The following PCCA variants were observed in gnomAD, a reference collection of about 807,000 sequenced individuals.
The protein encoded by PCCA is propionyl-CoA carboxylase subunit alpha.
A neutral mutation model predicts 101.3 loss-of-function variants in PCCA; 74 were observed. The observed-to-expected ratio is 0.73, with a 90% CI of 0.61 to 0.89. The LOEUF is 0.89. Among genes scored for constraint, PCCA ranks in the 40% least tolerant of loss-of-function variants. The pLI, the probability that PCCA is intolerant of heterozygous loss-of-function variation, is 0.00. For synonymous variants in PCCA, 294 were observed against 313.6 expected (o/e 0.94, Z 0.66); for missense variants, 891 against 907.0 (o/e 0.98, Z 0.23).
In PCCA at chr13:100,261,213, G is replaced by A. The variant is rs567773016; in HGVS notation, c.717-1516G>A. On this transcript the variant is annotated intron_variant, in intron 9 of 23. Transcript: ENST00000376285. Reference sequence around the variant, plus strand: ...GATCGGAAGAATTGGCTTTAATGTTGTACATTAAATACAGGTATTTAATCT... The same window carrying A: ...GATCGGAAGAATTGGCTTTAATGTTATACATTAAATACAGGTATTTAATCT... 9.2e-5 allele frequency among the ~76,000 whole-genome samples: 14 copies of A among 152,092 alleles called. 1 individual carries two copies. In the South Asian group the frequency reaches 2.9e-3, roughly 32 times the overall value.
At chr13:100,321,180 G>A (rs898798208) in intron 16 of PCCA, among the ~76,000 whole-genome samples, 1 of 151,192 alleles carries the variant, frequency 6.6e-6, no homozygotes, top group Admixed American at 6.6e-5. Flanking sequence ...TCCTATGCAG[G>A]TGAACCTTTC....
intron 20 of PCCA, among the ~76,000 whole-genome samples, chr13:100,434,960 C>A (rs2079821430): frequency 6.6e-6 from 1 of 152,204 alleles, no homozygotes; most frequent in Admixed American, 6.5e-5. Context: ...CTTCCTAGCA[C>A]ATTCTACCAG....
chr13:100,134,846 T>C (rs1217530312), intron 4 of PCCA, among the ~76,000 whole-genome samples: 1 of 152,058 alleles, frequency 6.6e-6, no homozygotes, highest in Non-Finnish European at 1.5e-5. Flanking sequence ...CCTGTTTAGG[T>C]CTGCTTTGAT....
At chr13:100,293,253 A>G (rs1308010837) in intron 12 of PCCA, 1 of 471,514 alleles carries the variant, frequency 2.1e-6, no homozygotes, top group Non-Finnish European at 4.4e-6. Flanking sequence ...ATGGAAGGAA[A>G]GGTACAGTAC....
intron 11 of PCCA, among the ~76,000 whole-genome samples, chr13:100,272,208 C>T (rs1418061605): frequency 7.9e-5 from 12 of 152,014 alleles, no homozygotes; most frequent in Non-Finnish European, 1.8e-4. Context: ...ATTGCTGATT[C>T]TTGTTATTTG....
chr13:100,361,862 C>T (rs981969356), intron 18 of PCCA, among the ~76,000 whole-genome samples: 6 of 152,120 alleles, frequency 3.9e-5, no homozygotes, highest in Admixed American at 3.3e-4. Flanking sequence ...TACATTTAGC[C>T]TACGACCTCT....
chr13:100,118,274 T>G (rs2049022809), intron 4 of PCCA, among the ~76,000 whole-genome samples: 1 of 152,212 alleles, frequency 6.6e-6, no homozygotes, highest in Admixed American at 6.5e-5. Flanking sequence ...TAATATCATG[T>G]AATATGCCTA....
At chr13:100,440,180 AT>A (rs2080251136) in intron 20 of PCCA, among the ~76,000 whole-genome samples, 1 of 81,798 alleles carries the variant, frequency 1.2e-5, no homozygotes, top group Non-Finnish European at 2.2e-5. Context: ...ATATATATAT[AT>A]ATATATATAT....
At chr13:100,251,751 T>A (rs1377777796) in intron 8 of PCCA, among the ~76,000 whole-genome samples, 1 of 152,232 alleles carries the variant, frequency 6.6e-6, no homozygotes, top group African/African-American at 2.4e-5. Context: ...CAGTTTGGGA[T>A]AAATTGACTT....
Position 100,330,522 on chromosome 13 carries a change from G to C in PCCA, c.1430-39G>C, listed in dbSNP as rs1595382508. 10 of 1,222,890 alleles carry C rather than the reference G, an allele frequency of 8.2e-6. No individual in the cohort carries two copies. In the Admixed American group the frequency reaches 1.7e-4, roughly 21 times the overall value. The allele number at this position is 1,222,890 out of a possible 1,614,324, so 75.8% of individuals were successfully genotyped here. A position where few individuals can be genotyped will look rare whatever the true frequency, so the allele number is the denominator to read the frequency against. ...GATTATCAGAATTCAATTTTTCACT[G>C]ATTCATTGTTCTTCAATTTGATATC... On this transcript the variant is annotated intron_variant, in intron 16 of 23. Coordinates refer to ENST00000376285, the MANE Select transcript of PCCA (RefSeq NM_000282.4).
Position 100,220,268 on chromosome 13 carries a change from G to T in PCCA, c.600+10805G>T, listed in dbSNP as rs140582825. Among the ~76,000 whole-genome samples, 407 of 151,194 alleles carry T rather than the reference G, an allele frequency of 2.7e-3. 6 individuals carry two copies. The highest frequency in any genetic ancestry group is 0.026 in the South Asian group (126 of 4,766). On this transcript the variant is annotated intron_variant, in intron 7 of 23. Transcript: ENST00000376285. ...TTTACAGTTTCTTTTTTTTGTTTTT[G>T]TTTTTTTTGAGACAAGAGTCTCTTT...
intron 20 of PCCA, among the ~76,000 whole-genome samples, chr13:100,442,096 C>T (rs908732359): frequency 1.3e-5 from 2 of 151,534 alleles, no homozygotes; most frequent in Non-Finnish European, 2.9e-5. Flanking sequence ...CAGGTTTAAG[C>T]GATTCTCCTG....
At chr13:100,135,773 A>G (rs1446081234) in intron 4 of PCCA, among the ~76,000 whole-genome samples, 2 of 152,154 alleles carry the variant, frequency 1.3e-5, no homozygotes, top group Non-Finnish European at 2.9e-5. Context: ...ATTCAGAATT[A>G]AGTATGGTAT....
rs76724409 is a variant in PCCA at position 100,103,081 on chromosome 13, A to T, written c.183+121A>T. 2.8e-3 allele frequency: 1,962 copies of T among 702,498 alleles called. 40 individuals carry two copies. In the East Asian group the frequency reaches 0.044, roughly 16 times the overall value. 43.5% of individuals were successfully genotyped at this position (702,498 alleles called of 1,614,324 possible). A position where few individuals can be genotyped will look rare whatever the true frequency, so the allele number is the denominator to read the frequency against. ...TGTTAAGGCTGTGTGGTCATTGATC[A>T]CTCTAGCATTGTGTGTTTCTATAGG... On this transcript the variant is annotated intron_variant, in intron 2 of 23. Transcript: ENST00000376285.
At chr13:100,367,820 T>C (rs1387411366) in intron 18 of PCCA, among the ~76,000 whole-genome samples, 1 of 151,432 alleles carries the variant, frequency 6.6e-6, no homozygotes, top group East Asian at 1.9e-4. Context: ...TAGCCGCGTG[T>C]GGTGGTGGGC....
At chr13:100,354,751 TG>T (rs1213054534) in intron 18 of PCCA, among the ~76,000 whole-genome samples, 1 of 152,034 alleles carries the variant, frequency 6.6e-6, no homozygotes, top group Non-Finnish European at 1.5e-5. Context: ...TTAGATAAAA[TG>T]GAGAAATTCA....
intron 16 of PCCA, among the ~76,000 whole-genome samples, chr13:100,325,690 C>T (rs2068596825): frequency 6.6e-6 from 1 of 152,158 alleles, no homozygotes; most frequent in Non-Finnish European, 1.5e-5. Flanking sequence ...CTGCTCATCT[C>T]CTAGCCTTGA....
At chr13:100,500,979 T>C (rs2085622688) in intron 21 of PCCA, among the ~76,000 whole-genome samples, 1 of 152,134 alleles carries the variant, frequency 6.6e-6, no homozygotes, top group Non-Finnish European at 1.5e-5. Flanking sequence ...CCGTTTCTAC[T>C]AAAAATACAA....
At chr13:100,273,394 C>T in intron 12 of PCCA, 48 bp downstream of exon 12, 1 of 1,423,242 alleles carries the variant, frequency 7.0e-7, no homozygotes, top group Admixed American at 1.7e-5. Context: ...GTACTTTACC[C>T]TTCCTTCTCC....
Sources: gnomAD v4.1 joint callset for allele counts (sites outside exome capture counted in the v4.1 genomes callset) on GRCh38, gnomAD v4.1.1 for gene constraint, MANE v1.5 for transcripts, NCBI Gene and HGNC (gene_info 2026-07-23, HGNC 2026-07-21) for gene names.